Variants in STPG2 observed in about 807,000 individuals in gnomAD.
STPG2 encodes the protein sperm tail PG-rich repeat containing 2, also known as sperm-tail PG-rich repeat-containing protein 2.
Under a neutral mutation model 54.2 loss-of-function variants are expected in STPG2, and 56 were observed. The ratio of observed to expected loss-of-function variants is 1.03; its 90% CI spans 0.83 to 1.29. The LOEUF is 1.29. Among genes scored for constraint, STPG2 ranks in the 50% most tolerant of loss-of-function variants. The probability of loss-of-function intolerance (pLI) is 0.00; values close to 1 mark genes in which losing one functional copy is unlikely to be tolerated. For missense variants in STPG2, 596 were observed against 544.9 expected (o/e 1.09, Z -0.93); for synonymous variants, 200 against 181.8 (o/e 1.10, Z -0.81).
intron 9 of STPG2, among the ~76,000 whole-genome samples, chr4:97,800,800 C>A (rs1012143046): frequency 6.6e-6 from 1 of 152,186 alleles, no homozygotes; most frequent in Admixed American, 6.5e-5. Flanking sequence ...CAGAGGCAGG[C>A]AGGCCTCCTT....
At chr4:97,741,437 T>C (rs1247115603) in intron 9 of STPG2, among the ~76,000 whole-genome samples, 1 of 151,610 alleles carries the variant, frequency 6.6e-6, no homozygotes, top group Admixed American at 6.6e-5. Flanking sequence ...ACCTACAAAA[T>C]GGGAGAAAAT....
At chr4:97,736,147 A>C (rs1305115250) in intron 9 of STPG2, among the ~76,000 whole-genome samples, 1 of 147,018 alleles carries the variant, frequency 6.8e-6, no homozygotes, top group Admixed American at 6.6e-5. Context: ...CTCAGAAATT[A>C]AAAATAGAAC....
chr4:97,447,310 G>C (rs1729248145), intron 4 of STPG2, among the ~76,000 whole-genome samples: 1 of 152,170 alleles, frequency 6.6e-6, no homozygotes, highest in Non-Finnish European at 1.5e-5. Flanking sequence ...TAGTAGAAAA[G>C]AAAAATCTAT....
intron 9 of STPG2, among the ~76,000 whole-genome samples, chr4:97,729,215 A>G (rs1724720755): frequency 6.6e-6 from 1 of 151,982 alleles, no homozygotes; most frequent in South Asian, 2.1e-4. Context: ...TCTATTATCA[A>G]CTTTTGGAGG....
At chr4:97,979,302 A>C (rs1388278731) in intron 6 of STPG2, among the ~76,000 whole-genome samples, 9 of 152,116 alleles carry the variant, frequency 5.9e-5, no homozygotes, top group Non-Finnish European at 7.4e-5. Flanking sequence ...CAGAACAAAC[A>C]ACCACAGAAA....
intron 4 of STPG2, among the ~76,000 whole-genome samples, chr4:97,475,371 C>T (rs1432917528): frequency 6.6e-6 from 1 of 151,278 alleles, no homozygotes; most frequent in Non-Finnish European, 1.5e-5. Flanking sequence ...TGTGTTATGA[C>T]TTTTTCTTAG....
intron 8 of STPG2, among the ~76,000 whole-genome samples, chr4:97,920,236 G>A (rs954132999): frequency 1.3e-5 from 2 of 152,100 alleles, no homozygotes; most frequent in Non-Finnish European, 1.5e-5. Flanking sequence ...CAGCAACCAA[G>A]GAATAGAAGT....
chr4:97,632,242 T>G (rs1402803003), intron 10 of STPG2, among the ~76,000 whole-genome samples: 1 of 151,700 alleles, frequency 6.6e-6, no homozygotes, highest in East Asian at 1.9e-4. Context: ...TTTTTTGTTT[T>G]TAGGTTTACT....
intron 7 of STPG2, among the ~76,000 whole-genome samples, chr4:97,965,448 A>C (rs1734062564): frequency 1.3e-5 from 2 of 152,218 alleles, no homozygotes; most frequent in Non-Finnish European, 2.9e-5. Context: ...CAGCTTCTGC[A>C]GACTTAAATG....
chr4:97,972,385 G>T lies in STPG2; in HGVS notation c.828C>A (p.Ile276=). The T allele has an allele frequency of 6.2e-7, 1 of 1,607,320 alleles. No homozygotes were observed. Among genetic ancestry groups the T allele is most frequent in the Non-Finnish European group, 8.5e-7 (1 of 1,175,704 alleles). The change falls in exon 7 of 11, where the codon ATC becomes ATA. Residue 276 remains isoleucine (I), a synonymous_variant. Coordinates refer to ENST00000295268, the MANE Select transcript of STPG2 (RefSeq NM_174952.3). ...CACTTTTCTTCTGTTTCTTTGAGCA[G>T]ATATTTCTAACACTGGCAATTATAG... The part of the protein sequence containing the change: ...NNTIIASVRN[I]CSKKQKKSAF...
rs180778859 is a variant in STPG2 at position 97,928,246 on chromosome 4, G to A, written c.1044+15651C>T. Among the ~76,000 whole-genome samples, 54 of 152,182 alleles carry A rather than the reference G, an allele frequency of 3.5e-4. 1 individual carries two copies. Among genetic ancestry groups the A allele is most frequent in the Non-Finnish European group, 5.6e-4 (38 of 67,964 alleles). ...CATCTGGTAGGGCAAATGCCCTTACGGTGAAAGTTAGCTTTAGAACTTTAC... is the reference window on the plus strand; with the variant it reads ...CATCTGGTAGGGCAAATGCCCTTACAGTGAAAGTTAGCTTTAGAACTTTAC... On this transcript the variant is annotated intron_variant, in intron 8 of 10. Coordinates refer to ENST00000295268, the MANE Select transcript of STPG2 (RefSeq NM_174952.3).
intron 5 of STPG2, among the ~76,000 whole-genome samples, chr4:98,091,533 C>T (rs750046788): frequency 2.6e-5 from 4 of 152,016 alleles, no homozygotes; most frequent in Admixed American, 2.0e-4. Flanking sequence ...GCAAAATCAA[C>T]GCATTTCTCC....
At chr4:97,516,271 C>T (rs1417521882) in intron 4 of STPG2, among the ~76,000 whole-genome samples, 1 of 152,010 alleles carries the variant, frequency 6.6e-6, no homozygotes, top group Non-Finnish European at 1.5e-5. Context: ...TTTGCAGTAA[C>T]TTTGGCCATG....
intron 10 of STPG2, among the ~76,000 whole-genome samples, chr4:97,587,886 AT>A (rs1733039986): frequency 6.6e-6 from 1 of 152,010 alleles, no homozygotes; most frequent in Non-Finnish European, 1.5e-5. Context: ...GCATCAGTGT[AT>A]TTACAGGGAT....
chr4:97,771,721 T>C (rs1458261144), intron 9 of STPG2, among the ~76,000 whole-genome samples: 2 of 152,040 alleles, frequency 1.3e-5, no homozygotes, highest in African/African-American at 4.8e-5. Flanking sequence ...TGACAGCTAG[T>C]GGGGCTAGAC....
At chr4:97,931,555 T>C (rs951323541) in intron 8 of STPG2, among the ~76,000 whole-genome samples, 4 of 152,222 alleles carry the variant, frequency 2.6e-5, no homozygotes, top group Admixed American at 6.5e-5. Flanking sequence ...GTGGATTACC[T>C]TTTAGATATG....
chr4:97,625,749 C>T (rs1382640260), intron 10 of STPG2, among the ~76,000 whole-genome samples: 1 of 152,170 alleles, frequency 6.6e-6, no homozygotes, highest in African/African-American at 2.4e-5. Context: ...GAATCTCTAA[C>T]TAAGGATTTC....
intron 9 of STPG2, among the ~76,000 whole-genome samples, chr4:97,722,964 AT>A (rs3974903): frequency 0.091 from 10,589 of 116,446 alleles, 408 homozygotes; most frequent in African/African-American, 0.14. Flanking sequence ...CACCCGGCTA[AT>A]TTTTTTTTTT....
At chr4:97,729,548 G>C (rs867434739) in intron 9 of STPG2, among the ~76,000 whole-genome samples, 2 of 152,134 alleles carry the variant, frequency 1.3e-5, no homozygotes, top group African/African-American at 4.8e-5. Flanking sequence ...TGATAATGCT[G>C]TCTCTGCAGA....
Sources: gnomAD v4.1 joint callset for allele counts (sites outside exome capture counted in the v4.1 genomes callset) on GRCh38, gnomAD v4.1.1 for gene constraint, MANE v1.5 for transcripts, NCBI Gene and HGNC (gene_info 2026-07-23, HGNC 2026-07-21) for gene names.